The following AFF3 variants were observed in gnomAD, a reference collection of about 807,000 sequenced individuals.
AFF3 encodes the protein ALF transcription elongation factor 3, also known as AF4/FMR2 family member 3.
Under a neutral mutation model 129.7 loss-of-function variants are expected in AFF3, and 32 were observed. That is an observed-to-expected ratio of 0.25 (90% confidence interval 0.19 to 0.33). AFF3 has a LOEUF of 0.33. AFF3 is among the 10% of genes least tolerant of loss of function. AFF3 has a pLI of 1.00. For synonymous variants in AFF3, 644 were observed against 635.4 expected, an observed-to-expected ratio of 1.01 and a Z score of -0.20; for missense variants, 1,373 against 1,592.0, an observed-to-expected ratio of 0.86 and a Z score of 2.34.
chr2:100,107,761 C>T (rs763190140), intron 2 of AFF3, among the ~76,000 whole-genome samples: 1 of 152,188 alleles, frequency 6.6e-6, no homozygotes, highest in Non-Finnish European at 1.5e-5. Flanking sequence ...GGGCCCTACT[C>T]ACATTCTGCC....
intron 2 of AFF3, among the ~76,000 whole-genome samples, chr2:100,123,454 T>C (rs1692062407): frequency 6.6e-6 from 1 of 152,126 alleles, no homozygotes; most frequent in Non-Finnish European, 1.5e-5. Context: ...TATAACACCA[T>C]TTTTCACTTT....
chr2:100,038,894 T>C (rs1685197585), intron 4 of AFF3, among the ~76,000 whole-genome samples: 1 of 152,028 alleles, frequency 6.6e-6, no homozygotes, highest in African/African-American at 2.4e-5. Context: ...GGCTAATTTT[T>C]TGTATTTTTA....
chr2:100,104,673 C>G, intron 3 of AFF3, 155 bp from the exon 4 acceptor site: 8 of 975,218 alleles, frequency 8.2e-6, no homozygotes, highest in East Asian at 1.2e-4. Context: ...CTCACCCGCT[C>G]CCCGGCTTGC....
Position 99,724,375 on chromosome 2 carries a change from C to T in AFF3, c.1091+2702G>A, listed in dbSNP as rs546056297. On this transcript the variant is annotated intron_variant, in intron 11 of 24. Transcript: ENST00000672756. ...GCAACCTTCGCCTCCTAGGTTCAAG[C>T]AATTCTCCTGCCTCAGCCTCCCCAG... Among the ~76,000 whole-genome samples the T allele has an allele frequency of 1.4e-3, 210 of 149,892 alleles. 1 individual carries two copies. Among genetic ancestry groups the T allele is most frequent in the African/African-American group, 4.9e-3 (199 of 40,680 alleles).
chr2:99,632,675 C>T (rs2105405404), intron 13 of AFF3, among the ~76,000 whole-genome samples: 1 of 152,278 alleles, frequency 6.6e-6, no homozygotes, highest in South Asian at 2.1e-4. Flanking sequence ...CCCCTAGTTG[C>T]TCACTGAAAG....
At chr2:99,615,586 T>C (rs1195579106) in intron 13 of AFF3, among the ~76,000 whole-genome samples, 1 of 152,226 alleles carries the variant, frequency 6.6e-6, no homozygotes, top group African/African-American at 2.4e-5. Flanking sequence ...GAACATCCAC[T>C]TGGACAACTC....
chr2:100,129,585 C>G (rs1363733022), intron 1 of AFF3, among the ~76,000 whole-genome samples: 1 of 152,106 alleles, frequency 6.6e-6, no homozygotes, highest in Non-Finnish European at 1.5e-5. Flanking sequence ...CACAAAATGC[C>G]CCACCAGCCT....
chr2:99,809,778 A>T (rs1686646972), intron 8 of AFF3, among the ~76,000 whole-genome samples: 1 of 152,218 alleles, frequency 6.6e-6, no homozygotes, highest in Non-Finnish European at 1.5e-5. Context: ...CACATTTGTT[A>T]ACTTGCACAC....
intron 14 of AFF3, among the ~76,000 whole-genome samples, chr2:99,599,708 TG>T (rs1679635457): frequency 6.6e-6 from 1 of 152,214 alleles, no homozygotes; most frequent in Non-Finnish European, 1.5e-5. Context: ...AAACAGTTTT[TG>T]GATATCCTCA....
At chr2:99,566,250 T>A (rs969032724) in intron 19 of AFF3, among the ~76,000 whole-genome samples, 1 of 151,132 alleles carries the variant, frequency 6.6e-6, no homozygotes. Flanking sequence ...CTGGCCTCAA[T>A]TGTTTTTTTT....
At chr2:99,719,690 C>T (rs1330325713) in intron 11 of AFF3, among the ~76,000 whole-genome samples, 2 of 152,188 alleles carry the variant, frequency 1.3e-5, no homozygotes, top group East Asian at 3.8e-4. Flanking sequence ...AATCAGCTTT[C>T]TTATGCTTAT....
intron 4 of AFF3, among the ~76,000 whole-genome samples, chr2:100,078,695 T>C (rs1489438162): frequency 6.6e-6 from 1 of 152,048 alleles, no homozygotes; most frequent in Non-Finnish European, 1.5e-5. Context: ...TATATAGCCG[T>C]CCCTTGGTAT....
intron 2 of AFF3, among the ~76,000 whole-genome samples, chr2:100,112,881 C>T (rs1691572638): frequency 1.3e-5 from 2 of 152,192 alleles, no homozygotes; most frequent in Non-Finnish European, 2.9e-5. Flanking sequence ...TTTTCCAAAG[C>T]TCCTACTCAC....
chr2:99,870,203 A>G (rs953586609), intron 7 of AFF3, among the ~76,000 whole-genome samples: 46 of 152,190 alleles, frequency 3.0e-4, no homozygotes, highest in African/African-American at 1.0e-3. Context: ...TGTCAGGAGC[A>G]GCAAACAGTG....
chr2:99,802,775 T>C (rs1268045099), intron 8 of AFF3, among the ~76,000 whole-genome samples: 3 of 151,330 alleles, frequency 2.0e-5, no homozygotes, highest in African/African-American at 7.3e-5. Context: ...TGTTGGTGTA[T>C]AGCAGTGCTA....
At chr2:99,959,793 G>A (rs1411214987) in intron 7 of AFF3, among the ~76,000 whole-genome samples, 1 of 150,588 alleles carries the variant, frequency 6.6e-6, no homozygotes, top group Admixed American at 6.7e-5. Flanking sequence ...TGTAAACACA[G>A]CCCGCTCTTG....
intron 7 of AFF3, among the ~76,000 whole-genome samples, chr2:99,853,744 A>G (rs1262767282): frequency 1.3e-5 from 2 of 152,236 alleles, no homozygotes; most frequent in African/African-American, 4.8e-5. Context: ...AACTGCTATT[A>G]TATGCAACAA....
At chr2:99,860,105 A>G (rs931916839) in intron 7 of AFF3, among the ~76,000 whole-genome samples, 1 of 152,216 alleles carries the variant, frequency 6.6e-6, no homozygotes, top group African/African-American at 2.4e-5. Context: ...AAACTTATTA[A>G]CAAATTTTTA....
chr2:99,906,028 T>C (rs1235963924), intron 7 of AFF3, among the ~76,000 whole-genome samples: 1 of 152,138 alleles, frequency 6.6e-6, no homozygotes, highest in Non-Finnish European at 1.5e-5. Context: ...TAAAAGAAAC[T>C]TTCATAGGTC....
Sources: allele counts gnomAD v4.1 joint callset (sites outside exome capture counted in the v4.1 genomes callset), GRCh38; gene constraint gnomAD v4.1.1; transcripts MANE v1.5; gene names NCBI Gene and HGNC (gene_info 2026-07-23, HGNC 2026-07-21).